Variants in RREB1 observed in about 807,000 individuals in gnomAD.
The protein encoded by RREB1 is ras responsive element binding protein 1, also known as ras-responsive element-binding protein 1.
A neutral mutation model predicts 117.8 loss-of-function variants in RREB1; 27 were observed. The ratio of observed to expected loss-of-function variants is 0.23; its 90% confidence interval spans 0.17 to 0.32. The LOEUF is 0.32. Ranked by LOEUF, RREB1 falls within the 10% of genes least tolerant of loss-of-function variation. The pLI, the probability that RREB1 is intolerant of heterozygous loss-of-function variation, is 1.00. For missense variants in RREB1, 2,577 were observed against 2,378.2 expected, an observed-to-expected ratio of 1.08 and a Z score of -1.74; for synonymous variants, 1,298 against 1,026.7, an observed-to-expected ratio of 1.26 and a Z score of -5.05.
At chr6:7,125,995 G>GTT (rs1761891673) in intron 1 of RREB1, among the ~76,000 whole-genome samples, 2 of 150,550 alleles carry the variant, frequency 1.3e-5, no homozygotes, top group South Asian at 2.1e-4. Flanking sequence ...TTTTTTGTTT[G>GTT]TTTGTTTGTT....
chr6:7,131,720 C>T (rs1561734312), intron 1 of RREB1, among the ~76,000 whole-genome samples: 1 of 152,148 alleles, frequency 6.6e-6, no homozygotes, highest in East Asian at 1.9e-4. Context: ...ATCTCTGCCT[C>T]CCAAAGTGGT....
chr6:7,174,600 G>A (rs549837756), intron 1 of RREB1, among the ~76,000 whole-genome samples: 8 of 152,154 alleles, frequency 5.3e-5, no homozygotes, highest in Non-Finnish European at 1.0e-4. Context: ...ACTCTGAAGT[G>A]TGTTTATTTA....
At chr6:7,159,348 G>C (rs981059766) in intron 1 of RREB1, among the ~76,000 whole-genome samples, 2 of 152,160 alleles carry the variant, frequency 1.3e-5, no homozygotes, top group African/African-American at 4.8e-5. Flanking sequence ...CACTGAGAAA[G>C]TTTTAACCTG....
At chr6:7,175,534 G>T (rs1234205186) in intron 1 of RREB1, among the ~76,000 whole-genome samples, 1 of 152,172 alleles carries the variant, frequency 6.6e-6, no homozygotes, top group African/African-American at 2.4e-5. Context: ...GAGAAAATAT[G>T]CCAAGCAGTT....
chr6:7,146,765 CTT>C (rs752906899), intron 1 of RREB1, among the ~76,000 whole-genome samples: 37 of 128,968 alleles, frequency 2.9e-4, no homozygotes, highest in Admixed American at 3.2e-4. Context: ...TTTCTTCTTT[CTT>C]TTTTTTTTTT....
intron 1 of RREB1, among the ~76,000 whole-genome samples, chr6:7,116,926 C>T (rs943601043): frequency 6.6e-6 from 1 of 152,142 alleles, no homozygotes; most frequent in African/African-American, 2.4e-5. Flanking sequence ...AGATCAAAGA[C>T]CAAAATCATT....
At chr6:7,109,685 C>G (rs1217920705) in intron 1 of RREB1, among the ~76,000 whole-genome samples, 2 of 152,252 alleles carry the variant, frequency 1.3e-5, no homozygotes, top group Admixed American at 1.3e-4. Context: ...CTCCCTCGCT[C>G]CTTACTGGTT....
intron 1 of RREB1, among the ~76,000 whole-genome samples, chr6:7,162,737 CT>C (rs1218868266): frequency 4.6e-5 from 7 of 152,196 alleles, no homozygotes; most frequent in Non-Finnish European, 8.8e-5. Flanking sequence ...CCATTTTTCT[CT>C]GCCTACGGAT....
intron 4 of RREB1, among the ~76,000 whole-genome samples, chr6:7,182,442 T>C (rs1347518145): frequency 6.6e-6 from 1 of 152,194 alleles, no homozygotes; most frequent in Non-Finnish European, 1.5e-5. Context: ...TATCTTCAGA[T>C]TAGGTAGCAA....
intron 11 of RREB1, among the ~76,000 whole-genome samples, chr6:7,244,279 A>T (rs983345225): frequency 1.3e-5 from 2 of 151,398 alleles, no homozygotes; most frequent in African/African-American, 4.9e-5. Flanking sequence ...AAAAAAAAAA[A>T]TTACTTACAA....
intron 8 of RREB1, chr6:7,216,263 C>G (rs1364175099): frequency 1.3e-5 from 2 of 152,222 alleles, no homozygotes; most frequent in Admixed American, 1.3e-4. Context: ...GCACATTTCC[C>G]TCAGATTCCA....
intron 1 of RREB1, among the ~76,000 whole-genome samples, chr6:7,127,624 G>A (rs959361833): frequency 8.5e-5 from 13 of 152,314 alleles, no homozygotes; most frequent in African/African-American, 2.6e-4. Flanking sequence ...TGTATTCCTC[G>A]TAACCACGAG....
At chr6:7,142,238 T>C (rs1581441484) in intron 1 of RREB1, among the ~76,000 whole-genome samples, 1 of 147,314 alleles carries the variant, frequency 6.8e-6, no homozygotes, top group East Asian at 2.0e-4. Context: ...AAAAAAAGGC[T>C]ATTTTCTGAG....
intron 1 of RREB1, among the ~76,000 whole-genome samples, chr6:7,158,667 C>A (rs1048063265): frequency 3.3e-5 from 5 of 152,202 alleles, no homozygotes; most frequent in Non-Finnish European, 7.3e-5. Context: ...CCTTCCCAAG[C>A]TTTCTTTTAC....
At chr6:7,126,555 C>T (rs1437948516) in intron 1 of RREB1, among the ~76,000 whole-genome samples, 2 of 152,238 alleles carry the variant, frequency 1.3e-5, no homozygotes, top group East Asian at 1.9e-4. Flanking sequence ...AGGCATGAGC[C>T]ACTGTGCTGG....
intron 1 of RREB1, among the ~76,000 whole-genome samples, chr6:7,131,293 T>TATC (rs1762148861): frequency 6.6e-6 from 1 of 152,204 alleles, no homozygotes; most frequent in Non-Finnish European, 1.5e-5. Context: ...TTCTGTGCAT[T>TATC]ATCTTCATAG....
Position 7,189,148 on chromosome 6 carries a change from G to A in RREB1, c.262-11G>A. ...TTCTTAAGTGACCGCTGTGACCATT[G>A]CTTTCTGCAGCACAACACAGACACT... is the stretch of plus-strand genomic sequence containing the variant. On this transcript the variant is annotated splice_polypyrimidine_tract_variant and intron_variant, in intron 5 of 12. Transcript: ENST00000379938. 6.2e-7 allele frequency: 1 copy of A among 1,610,362 alleles called. No homozygotes were observed. The highest frequency in any genetic ancestry group is 8.5e-7 in the Non-Finnish European group (1 of 1,179,036).
chr6:7,229,224 C>G lies in RREB1; in HGVS notation c.1125C>G (p.Val375=). The G allele has an allele frequency of 6.2e-7, 1 of 1,613,816 alleles. No homozygotes were observed. The highest frequency in any genetic ancestry group is 8.5e-7 in the Non-Finnish European group (1 of 1,179,878). The change falls in exon 10 of 13, where the codon GTC becomes GTG. Residue 375 remains valine, a synonymous_variant. Transcript: ENST00000379938. This position sits in a 1 kb window ranked among gnomAD's most constrained non-coding sequence, Gnocchi z 4.5. The part of the protein sequence containing the change: ...ALLGLQHTKD[V]RPAPAEEPLP... ...TTGGCCTGCAGCACACCAAAGACGT[C>G]AGGCCTGCCCCCGCCGAGGAGCCCC...
chr6:7,222,597 G>A (rs2714349), intron 8 of RREB1, among the ~76,000 whole-genome samples: 20,121 of 152,080 alleles, frequency 0.13, 1,601 homozygotes, highest in African/African-American at 0.21. Flanking sequence ...GAAACAGGAG[G>A]GATTTAAGGG....
Sources: gnomAD v4.1 joint callset for allele counts (sites outside exome capture counted in the v4.1 genomes callset) on GRCh38, gnomAD v4.1.1 for gene constraint, Gnocchi (gnomAD v3.1) non-coding constraint, MANE v1.5 for transcripts, NCBI Gene and HGNC (gene_info 2026-07-23, HGNC 2026-07-21) for gene names.